Variants in DENND6A observed in about 807,000 individuals in gnomAD.
The protein encoded by DENND6A is protein DENND6A.
DENND6A carries 43 observed loss-of-function variants against 95.5 expected under a neutral mutation model. The ratio of observed to expected loss-of-function variants is 0.45; its 90% confidence interval spans 0.35 to 0.58. The LOEUF (loss-of-function observed/expected upper bound fraction) is 0.58. DENND6A is among the 20% of genes least tolerant of loss of function. The pLI, the probability that DENND6A is intolerant of heterozygous loss-of-function variation, is 0.00. For synonymous variants in DENND6A, 257 were observed against 260.4 expected (o/e 0.99, Z 0.13); for missense variants, 574 against 736.0 (o/e 0.78, Z 2.55).
intron 1 of DENND6A, among the ~76,000 whole-genome samples, chr3:57,679,134 C>T (rs972512155): frequency 6.6e-6 from 1 of 152,176 alleles, no homozygotes; most frequent in East Asian, 1.9e-4. Flanking sequence ...CAAAATGATA[C>T]CCAGTCTTTT....
chr3:57,637,313 G>A (rs1333106181), intron 12 of DENND6A, among the ~76,000 whole-genome samples: 1 of 152,126 alleles, frequency 6.6e-6, no homozygotes, highest in Non-Finnish European at 1.5e-5. Context: ...AGACACAGAG[G>A]AACATCTTGT....
intron 1 of DENND6A, among the ~76,000 whole-genome samples, chr3:57,681,239 G>A (rs865894716): frequency 1.3e-5 from 2 of 151,966 alleles, no homozygotes; most frequent in African/African-American, 4.8e-5. Flanking sequence ...GCTAAGGCAG[G>A]CAGATCACGA....
intron 1 of DENND6A, among the ~76,000 whole-genome samples, chr3:57,682,572 T>G (rs1042032661): frequency 5.3e-5 from 8 of 152,322 alleles, no homozygotes; most frequent in African/African-American, 1.9e-4. Context: ...CTTAATTATA[T>G]AAGCTGAAAT....
intron 1 of DENND6A, among the ~76,000 whole-genome samples, chr3:57,691,321 C>T (rs997007031): frequency 2.0e-5 from 3 of 152,186 alleles, no homozygotes; most frequent in African/African-American, 7.2e-5. Context: ...TAAAGAATTG[C>T]TCACATATTC....
At chr3:57,642,465 A>T (rs2070967448) in intron 11 of DENND6A, among the ~76,000 whole-genome samples, 2 of 152,106 alleles carry the variant, frequency 1.3e-5, no homozygotes, top group South Asian at 4.1e-4. Flanking sequence ...GAGAGGGAAG[A>T]GTGATGCAGA....
chr3:57,654,674 A>G (rs927408842), intron 9 of DENND6A: 21 of 984,952 alleles, frequency 2.1e-5, no homozygotes, highest in South Asian at 4.7e-5. Context: ...TGAGGAAACT[A>G]TTTCTGTGAT....
intron 3 of DENND6A, among the ~76,000 whole-genome samples, chr3:57,670,722 C>A (rs2071602404): frequency 2.0e-5 from 3 of 152,122 alleles, no homozygotes; most frequent in Admixed American, 2.0e-4. Flanking sequence ...ATATTCTGAT[C>A]CCCTTCATGC....
At chr3:57,673,131 T>G (rs952637874) in intron 1 of DENND6A, among the ~76,000 whole-genome samples, 2 of 143,100 alleles carry the variant, frequency 1.4e-5, no homozygotes, top group Non-Finnish European at 3.0e-5. Flanking sequence ...TGAGAATCAC[T>G]TGAACCCAGG....
At chr3:57,677,615 C>T (rs910368336) in intron 1 of DENND6A, among the ~76,000 whole-genome samples, 9 of 151,602 alleles carry the variant, frequency 5.9e-5, no homozygotes, top group African/African-American at 1.9e-4. Context: ...TTTAAATTTT[C>T]TGTAGATATG....
chr3:57,688,816 T>G (rs1311227710), intron 1 of DENND6A, among the ~76,000 whole-genome samples: 1 of 152,128 alleles, frequency 6.6e-6, no homozygotes, highest in African/African-American at 2.4e-5. Context: ...TTTACTTAAG[T>G]TTATTTGAGG....
At chr3:57,664,071 A>G (rs1157595783) in intron 4 of DENND6A, among the ~76,000 whole-genome samples, 1 of 152,214 alleles carries the variant, frequency 6.6e-6, no homozygotes, top group Admixed American at 6.5e-5. Flanking sequence ...TACATTCTTT[A>G]TTCGTATCTA....
chr3:57,644,688 AGGG>A, intron 11 of DENND6A, among the ~76,000 whole-genome samples: 1 of 84,794 alleles, frequency 1.2e-5, no homozygotes, highest in Non-Finnish European at 2.3e-5. Context: ...GCAACAGGGA[AGGG>A]AGGGGAGGGG....
chr3:57,632,843 G>A (rs1360049045), intron 15 of DENND6A, among the ~76,000 whole-genome samples: 4 of 152,136 alleles, frequency 2.6e-5, no homozygotes, highest in African/African-American at 4.8e-5. Context: ...TATAGTCCCT[G>A]TTATCATAGA....
chr3:57,685,373 T>C (rs995502010), intron 1 of DENND6A, among the ~76,000 whole-genome samples: 1 of 152,204 alleles, frequency 6.6e-6, no homozygotes, highest in Non-Finnish European at 1.5e-5. Flanking sequence ...TATATTCAGG[T>C]TGAGTATTCC....
At chr3:57,688,304 G>A (rs2077229698) in intron 1 of DENND6A, among the ~76,000 whole-genome samples, 1 of 151,978 alleles carries the variant, frequency 6.6e-6, no homozygotes, top group Non-Finnish European at 1.5e-5. Flanking sequence ...CTTATTAAGA[G>A]TCTAATCATC....
At chr3:57,633,852 T>C (rs2070737293) in intron 14 of DENND6A, among the ~76,000 whole-genome samples, 1 of 151,714 alleles carries the variant, frequency 6.6e-6, no homozygotes, top group African/African-American at 2.4e-5. Flanking sequence ...GATTGTGCTA[T>C]TGCACTCCAG....
chr3:57,654,787 T>C, intron 9 of DENND6A: 1 of 985,062 alleles, frequency 1.0e-6, no homozygotes, highest in Non-Finnish European at 1.2e-6. Flanking sequence ...TTCAAATGCC[T>C]TTCTAGGTCT....
At chr3:57,661,369 TA>T in intron 6 of DENND6A, 76 bp downstream of exon 6, 1 of 1,115,912 alleles carries the variant, frequency 9.0e-7, no homozygotes, top group Non-Finnish European at 1.2e-6. Context: ...TAAATTGTTA[TA>T]AATCAACTTC....
chr3:57,654,783 T>C, intron 9 of DENND6A: 1 of 985,250 alleles, frequency 1.0e-6, no homozygotes, highest in Non-Finnish European at 1.2e-6. Flanking sequence ...CAAATTCAAA[T>C]GCCTTTCTAG....
Sources: gnomAD v4.1 joint callset for allele counts (sites outside exome capture counted in the v4.1 genomes callset) on GRCh38, gnomAD v4.1.1 for gene constraint, MANE v1.5 for transcripts, NCBI Gene and HGNC (gene_info 2026-07-23, HGNC 2026-07-21) for gene names.